The following FAAH2 variants were observed in gnomAD, a reference collection of about 807,000 sequenced individuals.
FAAH2 encodes fatty-acid amide hydrolase 2.
Under a neutral mutation model 36.9 loss-of-function variants are expected in FAAH2, and 60 were observed. The ratio of observed to expected loss-of-function variants is 1.63; its 90% CI spans 1.32 to 2.02. The LOEUF (loss-of-function observed/expected upper bound fraction) is 2.02. FAAH2 is among the 30% of genes most tolerant of loss of function. The pLI, the probability that FAAH2 is intolerant of heterozygous loss-of-function variation, is 0.00. For missense variants in FAAH2, 689 were observed against 397.5 expected (o/e 1.73, Z -6.23); for synonymous variants, 214 against 143.8 (o/e 1.49, Z -3.49).
chrX:57,263,493 G>A, the FAAH2 span, among the ~76,000 whole-genome samples: 1 of 111,891 alleles, frequency 8.9e-6, no homozygotes, highest in Non-Finnish European at 1.9e-5. Context: ...TTGGAAGATT[G>A]AACATAGTAA....
the FAAH2 span, among the ~76,000 whole-genome samples, chrX:57,275,112 C>T: frequency 8.9e-6 from 1 of 111,870 alleles, no homozygotes; most frequent in East Asian, 2.8e-4. Flanking sequence ...ACACCAATAA[C>T]AGACAAACAG....
chrX:57,272,033 G>C, the FAAH2 span, among the ~76,000 whole-genome samples: 1 of 108,987 alleles, frequency 9.2e-6, no homozygotes, highest in Non-Finnish European at 1.9e-5. Flanking sequence ...TTGCTAACTA[G>C]AATAACTAAT....
intron 2 of FAAH2, among the ~76,000 whole-genome samples, chrX:57,308,141 T>A (rs1026467334): frequency 8.9e-6 from 1 of 111,836 alleles, no homozygotes; most frequent in Non-Finnish European, 1.9e-5. Flanking sequence ...CTATTTATTT[T>A]CTTTTGGGTA....
Position 57,338,308 on chromosome X carries a change from C to T in FAAH2, c.623-2963C>T, listed in dbSNP as rs373449399. 7.2e-5 allele frequency among the ~76,000 whole-genome samples: 8 copies of T among 111,359 alleles called. No homozygotes were observed. In the East Asian group the frequency reaches 2.3e-3, roughly 32 times the overall value. On this transcript the variant is annotated intron_variant, in intron 4 of 10. Coordinates refer to ENST00000374900, the MANE Select transcript of FAAH2 (RefSeq NM_174912.4). Reference sequence around the variant, plus strand: ...GGGAGATTTTTGTGCCAGGATGAACCAGGAAAAGGACTTTCACAAGGTAAT... The same window carrying T: ...GGGAGATTTTTGTGCCAGGATGAACTAGGAAAAGGACTTTCACAAGGTAAT...
chrX:57,216,646 A>ATATACG, the FAAH2 span, among the ~76,000 whole-genome samples: 1 of 94,690 alleles, frequency 1.1e-5, no homozygotes, highest in Non-Finnish European at 2.1e-5. Flanking sequence ...ACGTATATAT[A>ATATACG]TATACCAAAG....
At chrX:57,384,393 C>T (rs953633908) in intron 7 of FAAH2, among the ~76,000 whole-genome samples, 7 of 104,098 alleles carry the variant, frequency 6.7e-5, no homozygotes, top group Non-Finnish European at 1.4e-4. Flanking sequence ...AGGCAACCTA[C>T]AGAATGGGAG....
At chrX:57,352,275 T>C (rs1413554018) in intron 5 of FAAH2, among the ~76,000 whole-genome samples, 4 of 103,622 alleles carry the variant, frequency 3.9e-5, no homozygotes, top group Non-Finnish European at 7.9e-5. Context: ...TATGATTAAG[T>C]GGGTGTTATA....
At chrX:57,136,950 A>G in the FAAH2 span, 16 of 853,369 alleles carry the variant, frequency 1.9e-5, no homozygotes, top group South Asian at 6.6e-5. Flanking sequence ...AGCACCCACT[A>G]CCCTCCTGCC....
At chrX:57,468,511 A>G (rs2057094382) in intron 10 of FAAH2, among the ~76,000 whole-genome samples, 3 of 112,072 alleles carry the variant, frequency 2.7e-5, no homozygotes, top group African/African-American at 9.7e-5. Context: ...TTGAAGATCA[A>G]ATGAATGAAA....
chrX:57,473,814 G>T (rs2057213568), intron 10 of FAAH2, among the ~76,000 whole-genome samples: 1 of 111,005 alleles, frequency 9.0e-6, no homozygotes. Flanking sequence ...TGTTTTATCT[G>T]ATATGAAAGT....
chrX:57,427,538 A>T (rs1395184372), intron 7 of FAAH2, among the ~76,000 whole-genome samples: 1 of 111,745 alleles, frequency 8.9e-6, no homozygotes, highest in African/African-American at 3.3e-5. Flanking sequence ...CCAACACCAC[A>T]TCAAAAGGAT....
chrX:57,335,413 G>A (rs777100533), intron 4 of FAAH2, among the ~76,000 whole-genome samples: 2 of 112,184 alleles, frequency 1.8e-5, no homozygotes, highest in African/African-American at 6.5e-5. Flanking sequence ...AGGTAAACAC[G>A]TGAACAAATG....
chrX:57,322,836 C>CT (rs1162456509), intron 3 of FAAH2, among the ~76,000 whole-genome samples: 16 of 108,348 alleles, frequency 1.5e-4, no homozygotes, highest in Admixed American at 5.0e-4. Flanking sequence ...TTTTGTTTTC[C>CT]TTTTTTTTAA....
chrX:57,305,886 A>G (rs1212778504), intron 2 of FAAH2, among the ~76,000 whole-genome samples: 1 of 111,564 alleles, frequency 9.0e-6, no homozygotes, highest in Non-Finnish European at 1.9e-5. Context: ...TCTTTTCCTC[A>G]GACTGGTTGC....
At chrX:57,451,886 C>T (rs1322278258) in intron 10 of FAAH2, among the ~76,000 whole-genome samples, 1 of 112,630 alleles carries the variant, frequency 8.9e-6, no homozygotes, top group Non-Finnish European at 1.9e-5. Flanking sequence ...AATAATCTAG[C>T]CTGCAGATTC....
intron 7 of FAAH2, among the ~76,000 whole-genome samples, chrX:57,404,465 C>T (rs2055517352): frequency 9.0e-6 from 1 of 111,229 alleles, no homozygotes; most frequent in African/African-American, 3.3e-5. Context: ...TGTTGTAGAC[C>T]CAGTTCCAGT....
the FAAH2 span, among the ~76,000 whole-genome samples, chrX:57,155,895 T>G: frequency 9.0e-6 from 1 of 111,630 alleles, no homozygotes; most frequent in Non-Finnish European, 1.9e-5. Flanking sequence ...CTCTATAAAT[T>G]TACTCAGCTC....
chrX:57,252,977 G>C, the FAAH2 span, among the ~76,000 whole-genome samples: 1 of 111,504 alleles, frequency 9.0e-6, no homozygotes, highest in Non-Finnish European at 1.9e-5. Flanking sequence ...CGAGCTAAAG[G>C]AGCATGATCT....
chrX:57,199,056 G>C, the FAAH2 span, among the ~76,000 whole-genome samples: 1 of 109,944 alleles, frequency 9.1e-6, no homozygotes, highest in Non-Finnish European at 1.9e-5. Flanking sequence ...CAAAAGTTCA[G>C]AATGTGAGTC....
Sources: allele counts gnomAD v4.1 joint callset (sites outside exome capture counted in the v4.1 genomes callset), GRCh38; gene constraint gnomAD v4.1.1; transcripts MANE v1.5; gene names NCBI Gene and HGNC (gene_info 2026-07-23, HGNC 2026-07-21).